Variants in BMPR1A observed in about 807,000 individuals in gnomAD.
BMPR1A encodes bone morphogenetic protein receptor type 1A.
In BMPR1A, 7 loss-of-function variants were observed where a neutral mutation model predicts 66.0. That is an observed-to-expected ratio of 0.11 (90% CI 0.06 to 0.20). The LOEUF (loss-of-function observed/expected upper bound fraction) is 0.20. Ranked by LOEUF, BMPR1A falls within the 10% of genes least tolerant of loss-of-function variation. The probability of loss-of-function intolerance (pLI) is 1.00; values close to 1 mark genes in which losing one functional copy is unlikely to be tolerated. For synonymous variants in BMPR1A, 200 were observed against 229.7 expected, an observed-to-expected ratio of 0.87 and a Z score of 1.17; for missense variants, 408 against 669.1, an observed-to-expected ratio of 0.61 and a Z score of 4.31.
chr10:86,894,244 C>G (rs1843195460), intron 5 of BMPR1A, among the ~76,000 whole-genome samples: 1 of 152,264 alleles, frequency 6.6e-6, no homozygotes, highest in Non-Finnish European at 1.5e-5. Context: ...CTATGCTACT[C>G]ACTCATGCTG....
At chr10:86,903,204 A>G (rs923794031) in intron 7 of BMPR1A, among the ~76,000 whole-genome samples, 2 of 152,250 alleles carry the variant, frequency 1.3e-5, no homozygotes, top group African/African-American at 4.8e-5. Flanking sequence ...AATATGGTCC[A>G]TAATGAGGGA....
rs562142049 is a variant in BMPR1A at position 86,883,706 on chromosome 10, G to A, written c.68-6356G>A. Among the ~76,000 whole-genome samples the A allele has an allele frequency of 2.6e-5, 4 of 151,958 alleles. No homozygotes were observed. In the South Asian group the frequency reaches 6.3e-4, roughly 24 times the overall value. The stretch of plus-strand genomic sequence containing the variant: ...AACTGCTTCAACCCAGGAGGCAGAG[G>A]TTGCAGCGAGTGGAGATCGTGCCAT... On this transcript the variant is annotated intron_variant, in intron 3 of 12. Transcript: ENST00000372037.
chr10:86,807,955 C>T (rs758328479), intron 1 of BMPR1A, among the ~76,000 whole-genome samples: 1 of 152,198 alleles, frequency 6.6e-6, no homozygotes, highest in Non-Finnish European at 1.5e-5. Context: ...TTAGTAGAGA[C>T]GGGGTTTCAC....
chr10:86,794,907 A>C (rs1198421099), intron 1 of BMPR1A, among the ~76,000 whole-genome samples: 1 of 151,360 alleles, frequency 6.6e-6, no homozygotes, highest in Non-Finnish European at 1.5e-5. Flanking sequence ...GATGGAGTGC[A>C]ATGGTGCCAT....
chr10:86,922,536 C>G (rs973188362), intron 11 of BMPR1A, among the ~76,000 whole-genome samples: 3 of 152,160 alleles, frequency 2.0e-5, no homozygotes, highest in African/African-American at 7.2e-5. Flanking sequence ...ATGTGGTTGT[C>G]CCAATGGCTA....
At chr10:86,803,604 ATTGAT>A (rs1454853110) in intron 1 of BMPR1A, among the ~76,000 whole-genome samples, 1 of 152,078 alleles carries the variant, frequency 6.6e-6, no homozygotes, top group Non-Finnish European at 1.5e-5. Flanking sequence ...ACCACTCTTT[ATTGAT>A]TTGAGATGTT....
chr10:86,793,369 T>G (rs1183055006), intron 1 of BMPR1A, among the ~76,000 whole-genome samples: 1 of 151,558 alleles, frequency 6.6e-6, no homozygotes. Context: ...CTGACAGTTT[T>G]TTTTTTTTTT....
Position 86,923,449 on chromosome 10 carries a change from G to A in BMPR1A, c.1416G>A (p.Glu472=). The A allele has an allele frequency of 6.2e-7, 1 of 1,614,228 alleles. No individual in the cohort carries two copies. Among genetic ancestry groups the A allele is most frequent in the Non-Finnish European group, 8.5e-7 (1 of 1,180,038 alleles). ...ATCCGTCATACGAAGATATGCGTGA[G>A]GTTGTGTGTGTCAAACGTTTGCGGC... ...PSDPSYEDMR[E]VVCVKRLRPI... Residue 472 remains glutamate (E), a synonymous_variant, in exon 12 of 13, where the codon GAG becomes GAA. Coordinates refer to ENST00000372037, the MANE Select transcript of BMPR1A (RefSeq NM_004329.3).
chr10:86,899,739 CAT>C, intron 5 of BMPR1A, 53 bp from the exon 6 acceptor site: 1 of 1,516,608 alleles, frequency 6.6e-7, no homozygotes, highest in Non-Finnish European at 9.2e-7. Flanking sequence ...ACTAAAAAGA[CAT>C]ATCAGTTTAA....
chr10:86,866,003 T>C (rs1204640538), intron 2 of BMPR1A, among the ~76,000 whole-genome samples: 5 of 151,962 alleles, frequency 3.3e-5, no homozygotes, highest in Admixed American at 6.6e-5. Flanking sequence ...AAGCAGAGAG[T>C]GTAGATTGCT....
intron 1 of BMPR1A, among the ~76,000 whole-genome samples, chr10:86,763,162 G>A (rs1045040530): frequency 6.6e-6 from 1 of 152,118 alleles, no homozygotes; most frequent in East Asian, 1.9e-4. Context: ...CCAAAGTGCT[G>A]GGATTACAGG....
At chr10:86,856,238 C>G (rs1240880743) in intron 2 of BMPR1A, 4 of 522,392 alleles carry the variant, frequency 7.7e-6, no homozygotes, top group Admixed American at 2.0e-5. Flanking sequence ...TGAACTTCCC[C>G]TTTTAGAAGC....
At chr10:86,861,355 T>C (rs931792543) in intron 2 of BMPR1A, among the ~76,000 whole-genome samples, 1 of 152,236 alleles carries the variant, frequency 6.6e-6, no homozygotes, top group African/African-American at 2.4e-5. Flanking sequence ...TAGTTTTCTA[T>C]GCTGTCCTTT....
chr10:86,809,437 G>A lies in BMPR1A; in HGVS notation c.-267-29428G>A, dbSNP rs925145686. Among the ~76,000 whole-genome samples, 6 of 151,612 alleles carry A rather than the reference G, an allele frequency of 4.0e-5. No individual in the cohort carries two copies. In the East Asian group the frequency reaches 5.8e-4, roughly 15 times the overall value. ...CTCAAGTAGCCGGGACTACAGGTGC[G>A]TGCCATCACACCTAGCTAATTTTTG... On this transcript the variant is annotated intron_variant, in intron 1 of 12. Coordinates refer to ENST00000372037, the MANE Select transcript of BMPR1A (RefSeq NM_004329.3).
At position 86,923,569 on chromosome 10, in the gene BMPR1A, C is replaced by T. The variant is rs1470529268; in HGVS notation, c.1474-25C>T. 2.2e-5 allele frequency: 35 copies of T among 1,614,096 alleles called. No individual in the cohort carries two copies. The highest frequency in any genetic ancestry group is 1.6e-4 in the Middle Eastern group (1 of 6,084). ...AATGCCACCAAATATATTCTCTGCT[C>T]ACTGAACATCTCTTTACTTTTCAGT... On this transcript the variant is annotated intron_variant, in intron 12 of 12. Transcript: ENST00000372037.
At chr10:86,884,470 T>C (rs924074196) in intron 3 of BMPR1A, among the ~76,000 whole-genome samples, 8 of 132,232 alleles carry the variant, frequency 6.0e-5, no homozygotes, top group African/African-American at 2.2e-4. Context: ...CTGGAGTGCA[T>C]TGGTGTGATC....
upstream of BMPR1A, chr10:86,756,339 G>T (rs1166556796): frequency 6.6e-6 from 1 of 152,024 alleles, no homozygotes; most frequent in African/African-American, 2.4e-5. Flanking sequence ...CCGCGCGGAG[G>T]AGCAGCCCCG....
chr10:86,892,765 A>C (rs1192559025), intron 5 of BMPR1A, among the ~76,000 whole-genome samples: 1 of 151,192 alleles, frequency 6.6e-6, no homozygotes, highest in Non-Finnish European at 1.5e-5. Context: ...TGGGAGGCTG[A>C]GGCAGAAGAA....
intron 1 of BMPR1A, among the ~76,000 whole-genome samples, chr10:86,829,132 T>C (rs1842235066): frequency 6.6e-6 from 1 of 152,152 alleles, no homozygotes; most frequent in African/African-American, 2.4e-5. Context: ...GGGACTGCTG[T>C]TTTGTTTCTA....
Sources: allele counts gnomAD v4.1 joint callset (sites outside exome capture counted in the v4.1 genomes callset), GRCh38; gene constraint gnomAD v4.1.1; transcripts MANE v1.5; gene names NCBI Gene and HGNC (gene_info 2026-07-23, HGNC 2026-07-21).